The following AK4 variants were observed in gnomAD, a reference collection of about 807,000 sequenced individuals.
AK4 encodes the protein adenylate kinase 4.
Under a neutral mutation model 24.6 loss-of-function variants are expected in AK4, and 13 were observed. The ratio of observed to expected loss-of-function variants is 0.53; its 90% CI spans 0.34 to 0.84. The LOEUF (loss-of-function observed/expected upper bound fraction) is 0.84, where lower values mean the gene tolerates loss of function less well. Ranked by LOEUF, AK4 falls within the 40% of genes least tolerant of loss-of-function variation. The probability of loss-of-function intolerance (pLI) is 0.01; values close to 1 mark genes in which losing one functional copy is unlikely to be tolerated. For synonymous variants in AK4, 88 were observed against 107.0 expected, an observed-to-expected ratio of 0.82 and a Z score of 1.10; for missense variants, 192 against 288.2, an observed-to-expected ratio of 0.67 and a Z score of 2.42.
intron 2 of AK4, among the ~76,000 whole-genome samples, chr1:65,205,228 C>CATTTT (rs1037576666): frequency 4.6e-5 from 7 of 152,080 alleles, no homozygotes; most frequent in Admixed American, 6.6e-5. Context: ...CCTGGTTCCC[C>CATTTT]ATTTTATTTT....
At chr1:65,190,950 A>G (rs1034882167) in intron 2 of AK4, 121 bp downstream of exon 2, 2 of 1,272,384 alleles carry the variant, frequency 1.6e-6, no homozygotes, top group African/African-American at 1.5e-5. Context: ...TCATTTATTT[A>G]ATATTGCAAT....
intron 1 of AK4, among the ~76,000 whole-genome samples, chr1:65,176,853 C>T (rs1283576024): frequency 6.6e-6 from 1 of 152,170 alleles, no homozygotes; most frequent in Non-Finnish European, 1.5e-5. Context: ...TCATATTTGC[C>T]ATTGCCTCAG....
chr1:65,148,497 T>C lies in AK4; in HGVS notation c.90T>C (p.Gly30=). The C allele has an allele frequency of 1.3e-6, 2 of 1,588,142 alleles. No homozygotes were observed. The highest frequency in any genetic ancestry group is 1.7e-6 in the Non-Finnish European group (2 of 1,167,804). The change falls in exon 1 of 5, where the codon GGT becomes GGC. Residue 30 remains glycine, a synonymous_variant. Coordinates refer to ENST00000327299, the MANE Select transcript of AK4 (RefSeq NM_013410.4). ...GCCAGAGGATCGCCCAGAACTTTGG[T>C]CTCCAGCATCTCTCCAGCGGCCACT... ...TVCQRIAQNF[G]LQHLSSGHFL... is the part of the protein sequence containing the mutation.
chr1:65,183,601 C>T (rs1650984026), intron 1 of AK4, among the ~76,000 whole-genome samples: 1 of 150,846 alleles, frequency 6.6e-6, no homozygotes, highest in South Asian at 2.1e-4. Flanking sequence ...GCTGACTGTC[C>T]TGCATATTTA....
chr1:65,208,103 C>T (rs965997379), intron 2 of AK4, among the ~76,000 whole-genome samples: 2 of 152,186 alleles, frequency 1.3e-5, no homozygotes, highest in Non-Finnish European at 2.9e-5. Context: ...TTTGGGAAAT[C>T]TCCACAGTGC....
chr1:65,152,819 T>A (rs1649846332), intron 1 of AK4, among the ~76,000 whole-genome samples: 1 of 152,080 alleles, frequency 6.6e-6, no homozygotes, highest in Non-Finnish European at 1.5e-5. Context: ...GGGCTCAGGG[T>A]TCTTTTTGGT....
chr1:65,203,516 C>G (rs951261276), intron 2 of AK4, among the ~76,000 whole-genome samples: 5 of 151,906 alleles, frequency 3.3e-5, no homozygotes, highest in African/African-American at 9.7e-5. Flanking sequence ...TAAAACCACC[C>G]CTCTTGGCCT....
chr1:65,172,812 T>C (rs909149308), intron 1 of AK4, among the ~76,000 whole-genome samples: 9 of 152,186 alleles, frequency 5.9e-5, no homozygotes, highest in Admixed American at 2.0e-4. Flanking sequence ...TCTTCTCTTC[T>C]TCTTCGCTAT....
At chr1:65,188,461 G>A (rs1446170969) in intron 1 of AK4, among the ~76,000 whole-genome samples, 6 of 151,902 alleles carry the variant, frequency 3.9e-5, no homozygotes, top group African/African-American at 1.2e-4. Context: ...ATATAATTCC[G>A]CTTTGTGTTT....
At chr1:65,212,186 A>G (rs1178666207) in intron 2 of AK4, among the ~76,000 whole-genome samples, 1 of 152,200 alleles carries the variant, frequency 6.6e-6, no homozygotes, top group African/African-American at 2.4e-5. Context: ...TGCATGTAAT[A>G]TATCTGGCAC....
intron 2 of AK4, among the ~76,000 whole-genome samples, chr1:65,193,111 T>C (rs1311398822): frequency 6.6e-6 from 1 of 152,218 alleles, no homozygotes; most frequent in Non-Finnish European, 1.5e-5. Flanking sequence ...GGCATTGTCC[T>C]AATGGGGGCT....
chr1:65,171,934 T>C (rs1416242052), intron 1 of AK4, among the ~76,000 whole-genome samples: 1 of 151,086 alleles, frequency 6.6e-6, no homozygotes, highest in African/African-American at 2.4e-5. Context: ...TGGTGGCACA[T>C]GCCTATAATC....
chr1:65,148,887 A>G (rs1649665726), intron 1 of AK4: 2 of 197,024 alleles, frequency 1.0e-5, no homozygotes, highest in East Asian at 2.5e-4. Flanking sequence ...TCCTTAAGGC[A>G]GAGCCGTCCC....
At chr1:65,159,609 G>C (rs1045562013) in intron 1 of AK4, among the ~76,000 whole-genome samples, 3 of 152,032 alleles carry the variant, frequency 2.0e-5, no homozygotes, top group Non-Finnish European at 4.4e-5. Flanking sequence ...CTATAGTGAG[G>C]CTACAGTGAG....
At chr1:65,170,026 A>G (rs1650457035) in intron 1 of AK4, among the ~76,000 whole-genome samples, 1 of 151,558 alleles carries the variant, frequency 6.6e-6, no homozygotes, top group African/African-American at 2.4e-5. Context: ...AGTCCCTCCC[A>G]CCTCCAGGAT....
intron 1 of AK4, among the ~76,000 whole-genome samples, chr1:65,159,820 T>G (rs1199322275): frequency 3.3e-5 from 5 of 151,758 alleles, no homozygotes; most frequent in African/African-American, 1.2e-4. Context: ...ATACAAAAAT[T>G]AGCTGGGCAT....
At chr1:65,155,039 CGG>C (rs938706814) in intron 1 of AK4, among the ~76,000 whole-genome samples, 1 of 151,166 alleles carries the variant, frequency 6.6e-6, no homozygotes, top group African/African-American at 2.4e-5. Context: ...TTAATAGAGA[CGG>C]GGTTTCACCA....
At chr1:65,215,108 C>T (rs1284028632) in intron 2 of AK4, among the ~76,000 whole-genome samples, 1 of 152,064 alleles carries the variant, frequency 6.6e-6, no homozygotes, top group East Asian at 1.9e-4. Context: ...CTAGGAAAGT[C>T]TGGGACAGGA....
intron 2 of AK4, among the ~76,000 whole-genome samples, chr1:65,200,622 C>T (rs1045491217): frequency 6.6e-6 from 1 of 152,194 alleles, no homozygotes; most frequent in African/African-American, 2.4e-5. Flanking sequence ...TATTGCAACT[C>T]CTTTGTTAAT....
Sources: gnomAD v4.1 joint callset for allele counts (sites outside exome capture counted in the v4.1 genomes callset) on GRCh38, gnomAD v4.1.1 for gene constraint, MANE v1.5 for transcripts, NCBI Gene and HGNC (gene_info 2026-07-23, HGNC 2026-07-21) for gene names.